Variants in SCMH1 observed in about 807,000 individuals in gnomAD.
The protein encoded by SCMH1 is Scm polycomb group protein homolog 1.
In SCMH1, 37 loss-of-function variants were observed where a neutral mutation model predicts 70.8. That is an observed-to-expected ratio of 0.52 (90% CI 0.40 to 0.69). The LOEUF (loss-of-function observed/expected upper bound fraction) is 0.69. SCMH1 is among the 30% of genes least tolerant of loss of function. The pLI is 0.00. For synonymous variants in SCMH1, 292 were observed against 307.4 expected, an observed-to-expected ratio of 0.95 and a Z score of 0.52; for missense variants, 607 against 827.3, an observed-to-expected ratio of 0.73 and a Z score of 3.27.
intron 8 of SCMH1, among the ~76,000 whole-genome samples, chr1:41,097,284 C>A (rs1665351396): frequency 6.6e-6 from 1 of 152,172 alleles, no homozygotes; most frequent in Non-Finnish European, 1.5e-5. Flanking sequence ...CTGCTAATGA[C>A]ACGGTCTACC....
At chr1:41,096,076 T>C (rs1223757683) in intron 8 of SCMH1, among the ~76,000 whole-genome samples, 4 of 152,138 alleles carry the variant, frequency 2.6e-5, no homozygotes, top group African/African-American at 7.2e-5. Context: ...ATGTTAACAA[T>C]AGCAAAAGAG....
At chr1:41,189,326 T>A (rs542134856) in intron 1 of SCMH1, among the ~76,000 whole-genome samples, 1 of 152,158 alleles carries the variant, frequency 6.6e-6, no homozygotes, top group East Asian at 1.9e-4. Context: ...ATTTTTTGTA[T>A]TTTTAGTAGA....
intron 5 of SCMH1, among the ~76,000 whole-genome samples, chr1:41,146,542 C>T (rs1352099731): frequency 6.7e-6 from 1 of 150,100 alleles, no homozygotes; most frequent in Non-Finnish European, 1.5e-5. Context: ...CCTTTTATAC[C>T]ATATTTTTTT....
At chr1:41,224,046 G>A (rs902046592) in intron 1 of SCMH1, among the ~76,000 whole-genome samples, 2 of 152,000 alleles carry the variant, frequency 1.3e-5, no homozygotes, top group African/African-American at 4.8e-5. Flanking sequence ...AGTAATAAAC[G>A]ATTTATACAG....
intron 8 of SCMH1, among the ~76,000 whole-genome samples, chr1:41,100,226 T>C (rs1666196947): frequency 6.6e-6 from 1 of 152,164 alleles, no homozygotes. Flanking sequence ...ACTAAGTTTA[T>C]CAAAACCCGG....
chr1:41,144,887 T>G (rs1359911505), intron 5 of SCMH1, among the ~76,000 whole-genome samples: 1 of 152,194 alleles, frequency 6.6e-6, no homozygotes. Flanking sequence ...GTCATTTGTA[T>G]ATATTTGGAG....
At position 41,033,975 on chromosome 1, in the gene SCMH1, C is replaced by A. The variant is rs1644916380; in HGVS notation, c.1678+3387G>T. On this transcript the variant is annotated intron_variant, in intron 13 of 14. Coordinates refer to ENST00000337495, the Ensembl canonical transcript of SCMH1. ...GGAAGATAAAAATAACAGTAACTCC[C>A]CTCATACCTGGGGAACGATTTAGTT... The A allele has an allele frequency of 1.2e-6, 2 of 1,614,038 alleles. No homozygotes were observed. The highest frequency in any genetic ancestry group is 1.7e-6 in the Non-Finnish European group (2 of 1,179,922).
intron 4 of SCMH1, among the ~76,000 whole-genome samples, chr1:41,157,067 G>A (rs1041770053): frequency 5.5e-5 from 8 of 145,538 alleles, no homozygotes; most frequent in African/African-American, 1.5e-4. Context: ...AACCCTCCCC[G>A]CTCAGTCTCC....
chr1:41,072,060 A>G (rs1462242443), intron 9 of SCMH1, among the ~76,000 whole-genome samples: 1 of 152,208 alleles, frequency 6.6e-6, no homozygotes, highest in Non-Finnish European at 1.5e-5. Flanking sequence ...GCTGGGAGCC[A>G]TATCAACCTG....
chr1:41,178,084 C>G (rs1647508014), intron 2 of SCMH1, among the ~76,000 whole-genome samples: 3 of 152,186 alleles, frequency 2.0e-5, no homozygotes, highest in Admixed American at 1.3e-4. Context: ...GACCAATATT[C>G]AACATTCTTA....
chr1:41,178,113 G>C (rs7554627), intron 2 of SCMH1, among the ~76,000 whole-genome samples: 1,867 of 152,168 alleles, frequency 0.012, 42 homozygotes, highest in African/African-American at 0.043. Context: ...AATTTTCAAC[G>C]CAGAATTTCA....
chr1:41,100,670 ATTC>A (rs199950729), intron 8 of SCMH1, among the ~76,000 whole-genome samples: 1,998 of 148,318 alleles, frequency 0.013, 46 homozygotes, highest in African/African-American at 0.047. Flanking sequence ...GGTTCAAGTT[ATTC>A]TTCTGCTTCA....
At chr1:41,039,764 A>G (rs1031741533) in intron 12 of SCMH1, among the ~76,000 whole-genome samples, 2 of 151,832 alleles carry the variant, frequency 1.3e-5, no homozygotes, top group African/African-American at 4.8e-5. Context: ...GTGAGCAACC[A>G]CACCTGGCCT....
chr1:41,094,478 G>A (rs987633360), intron 8 of SCMH1, among the ~76,000 whole-genome samples: 4 of 152,162 alleles, frequency 2.6e-5, no homozygotes, highest in African/African-American at 7.2e-5. Context: ...AAGGAGTACA[G>A]TTTGAGAATT....
chr1:41,188,665 T>A lies in SCMH1; in HGVS notation c.-117-2415A>T, dbSNP rs575519720. Among the ~76,000 whole-genome samples, 4 of 152,342 alleles carry A rather than the reference T, an allele frequency of 2.6e-5. No homozygotes were observed. In the South Asian group the frequency reaches 8.3e-4, roughly 32 times the overall value. ...AGAAGAATCTGTAAGGCTATGGTAG[T>A]ATCCTTTCAAAATGTAATAAAACAA... On this transcript the variant is annotated intron_variant, in intron 1 of 14. Coordinates refer to ENST00000337495, the Ensembl canonical transcript of SCMH1.
chr1:41,181,424 G>A (rs548255577), intron 2 of SCMH1, among the ~76,000 whole-genome samples: 1 of 152,010 alleles, frequency 6.6e-6, no homozygotes, highest in Non-Finnish European at 1.5e-5. Flanking sequence ...CTACAGAATG[G>A]GAGAAAATTT....
intron 6 of SCMH1, among the ~76,000 whole-genome samples, chr1:41,125,533 T>C (rs1415165747): frequency 5.3e-5 from 8 of 151,800 alleles, no homozygotes; most frequent in African/African-American, 1.9e-4. Flanking sequence ...CTTCTATATT[T>C]ATTGGCTGGC....
At chr1:41,060,494 G>A (rs1015417117) in intron 10 of SCMH1, among the ~76,000 whole-genome samples, 1 of 151,806 alleles carries the variant, frequency 6.6e-6, no homozygotes, top group African/African-American at 2.4e-5. Context: ...GAGGGAGTGT[G>A]TTGCCAGAAC....
At chr1:41,105,118 G>A (rs1557457118) in intron 8 of SCMH1, among the ~76,000 whole-genome samples, 1 of 150,238 alleles carries the variant, frequency 6.7e-6, no homozygotes, top group Non-Finnish European at 1.5e-5. Context: ...ATCATGCTCA[G>A]CTAATTTTTT....
Sources: allele counts gnomAD v4.1 joint callset (sites outside exome capture counted in the v4.1 genomes callset), GRCh38; gene constraint gnomAD v4.1.1; transcripts MANE v1.5; gene names NCBI Gene and HGNC (gene_info 2026-07-23, HGNC 2026-07-21).